SCYL2: variants seen among roughly 807,000 people sequenced by gnomAD.
SCYL2 encodes the protein SCY1 like pseudokinase 2, also known as SCY1-like protein 2.
In SCYL2, 36 loss-of-function variants were observed where a neutral mutation model predicts 100.4. The ratio of observed to expected loss-of-function variants is 0.36; its 90% CI spans 0.27 to 0.47. The LOEUF (loss-of-function observed/expected upper bound fraction) is 0.47, where lower values mean the gene tolerates loss of function less well. Ranked by LOEUF, SCYL2 falls within the 20% of genes least tolerant of loss-of-function variation. The probability of loss-of-function intolerance (pLI) is 1.00; values close to 1 mark genes in which losing one functional copy is unlikely to be tolerated. For synonymous variants in SCYL2, 330 were observed against 359.2 expected (o/e 0.92, Z 0.92); for missense variants, 902 against 1,083.9 (o/e 0.83, Z 2.36).
chr12:100,315,690 C>T lies in SCYL2; in HGVS notation c.1228C>T (p.Leu410Phe), dbSNP rs763082700. 4 of 1,611,650 alleles carry T rather than the reference C, an allele frequency of 2.5e-6. No individual in the cohort carries two copies. The Admixed American group carries it at 5.0e-5, about 20-fold the overall frequency. ...CAAAGAAGAATATGTCAAATTAATT[C>T]TTCCTGAACTTGGCCCTGTGTTTAA... ...CTKEEYVKLILPELGPVFKQQ... is the reference protein window; with the variant it reads ...CTKEEYVKLIFPELGPVFKQQ... Residue 410 changes from leucine to phenylalanine, a missense_variant, in exon 9 of 18, where the codon CTT becomes TTT. Coordinates refer to ENST00000360820, the MANE Select transcript of SCYL2 (RefSeq NM_017988.6).
intron 9 of SCYL2, among the ~76,000 whole-genome samples, chr12:100,316,009 T>G (rs1276922089): frequency 1.3e-5 from 2 of 152,208 alleles, no homozygotes; most frequent in African/African-American, 4.8e-5. Context: ...CTGTTCTTTA[T>G]GTACCATATA....
At chr12:100,314,857 G>T (rs529118962) in intron 8 of SCYL2, among the ~76,000 whole-genome samples, 4 of 152,274 alleles carry the variant, frequency 2.6e-5, no homozygotes, top group Admixed American at 6.5e-5. Flanking sequence ...GATATTAAAG[G>T]TCAGAAGAAG....
intron 10 of SCYL2, among the ~76,000 whole-genome samples, chr12:100,322,138 C>T (rs375877995): frequency 3.8e-4 from 57 of 150,736 alleles, no homozygotes; most frequent in Admixed American, 9.2e-4. Context: ...TTTGGGAGGC[C>T]GAGGCGGGCA....
At position 100,314,342 on chromosome 12, in the gene SCYL2, A is replaced by T. The variant is rs2096345917; in HGVS notation, c.970-147A>T. The T allele has an allele frequency of 5.3e-6, 3 of 568,542 alleles. No homozygotes were observed. The Admixed American group carries it at 1.2e-4, about 22-fold the overall frequency. 35.2% of individuals were successfully genotyped at this position (568,542 alleles called of 1,614,324 possible). ...AAAAATCATTTATTTTCTTATTCAG[A>T]GTTTTATAATTAGAATTTCTAAGGT... On this transcript the variant is annotated intron_variant, in intron 7 of 17. Transcript: ENST00000360820.
intron 10 of SCYL2, among the ~76,000 whole-genome samples, chr12:100,320,473 G>C (rs994689950): frequency 6.6e-6 from 1 of 151,936 alleles, no homozygotes; most frequent in Admixed American, 6.6e-5. Context: ...GCTTGAACCC[G>C]GGAGGCGGAG....
At chr12:100,294,294 C>G (rs1301878273) in intron 3 of SCYL2, among the ~76,000 whole-genome samples, 2 of 135,042 alleles carry the variant, frequency 1.5e-5, no homozygotes, top group African/African-American at 5.6e-5. Context: ...GGCGGCTGGC[C>G]GGGCAGAGGG....
rs939613881 is a variant in SCYL2 at position 100,311,096 on chromosome 12, A to G, written c.533A>G (p.Asn178Ser). The G allele has an allele frequency of 6.2e-7, 1 of 1,605,992 alleles. No individual in the cohort carries two copies. Among genetic ancestry groups the G allele is most frequent in the Non-Finnish European group, 8.5e-7 (1 of 1,176,778 alleles). ...AGCAGTGTGAAAATGGTGCATGGAA[A>G]TATCACTCCTGAAAATATAATTTTG... ...LHSSVKMVHG[N>S]ITPENIILNK... The change falls in exon 5 of 18, where the codon AAT becomes AGT. Residue 178 changes from asparagine to serine, a missense_variant. Coordinates refer to ENST00000360820, the MANE Select transcript of SCYL2 (RefSeq NM_017988.6).
intron 4 of SCYL2, among the ~76,000 whole-genome samples, chr12:100,307,440 C>T (rs972557258): frequency 6.6e-6 from 1 of 152,096 alleles, no homozygotes; most frequent in Non-Finnish European, 1.5e-5. Flanking sequence ...TGGCTAGCCA[C>T]ATGCAGAAAA....
At chr12:100,297,845 A>G (rs951510610) in intron 3 of SCYL2, among the ~76,000 whole-genome samples, 186 bp from the exon 4 acceptor site, 4 of 152,210 alleles carry the variant, frequency 2.6e-5, no homozygotes, top group Non-Finnish European at 5.9e-5. Flanking sequence ...TTTATCTAGT[A>G]TAATTTGTAT....
rs951999228 is a variant in SCYL2 at position 100,321,555 on chromosome 12, A to G, written c.1396-1970A>G. Among the ~76,000 whole-genome samples, 15 of 152,358 alleles carry G rather than the reference A, an allele frequency of 9.8e-5. 1 individual carries two copies. The highest frequency in any genetic ancestry group is 3.4e-3 in the Middle Eastern group (1 of 294). ...CTACTATGGCACCACATTAGTTAAC[A>G]AGAATGTTTTAAATCTTTTTTTCCC... On this transcript the variant is annotated intron_variant, in intron 10 of 17. Coordinates refer to ENST00000360820, the MANE Select transcript of SCYL2 (RefSeq NM_017988.6).
chr12:100,320,921 A>T (rs1284485519), intron 10 of SCYL2, among the ~76,000 whole-genome samples: 1 of 152,036 alleles, frequency 6.6e-6, no homozygotes, highest in Non-Finnish European at 1.5e-5. Flanking sequence ...TAATTTATAT[A>T]TTTTTGAGAC....
intron 7 of SCYL2, among the ~76,000 whole-genome samples, chr12:100,314,105 T>G (rs1409946183): frequency 6.6e-6 from 1 of 152,244 alleles, no homozygotes; most frequent in Non-Finnish European, 1.5e-5. Context: ...GGTCTTGTCC[T>G]GACCTCAGGT....
At chr12:100,334,629 A>G (rs930342033) in intron 14 of SCYL2, among the ~76,000 whole-genome samples, 3 of 152,006 alleles carry the variant, frequency 2.0e-5, no homozygotes, top group Non-Finnish European at 4.4e-5. Flanking sequence ...ATGAACTTCT[A>G]GTGTTTTGAT....
chr12:100,276,911 G>A (rs2096293096), intron 1 of SCYL2, among the ~76,000 whole-genome samples: 1 of 151,816 alleles, frequency 6.6e-6, no homozygotes, highest in Non-Finnish European at 1.5e-5. Context: ...TGTAAGTACT[G>A]CTTTAGATAT....
At chr12:100,308,603 A>G (rs575618892) in intron 4 of SCYL2, among the ~76,000 whole-genome samples, 26 of 151,836 alleles carry the variant, frequency 1.7e-4, no homozygotes, top group Non-Finnish European at 2.5e-4. Context: ...AAAACTGCAC[A>G]TTCTGCACAT....
At chr12:100,287,589 A>G (rs1474625541) in intron 2 of SCYL2, among the ~76,000 whole-genome samples, 1 of 152,238 alleles carries the variant, frequency 6.6e-6, no homozygotes, top group African/African-American at 2.4e-5. Flanking sequence ...TTGAGAAAAA[A>G]TACTTTTTAG....
At chr12:100,304,201 G>A (rs2096331207) in intron 4 of SCYL2, among the ~76,000 whole-genome samples, 1 of 152,142 alleles carries the variant, frequency 6.6e-6, no homozygotes, top group Admixed American at 6.5e-5. Flanking sequence ...GCTCCTTGGG[G>A]GTGGGATCTG....
intron 5 of SCYL2, among the ~76,000 whole-genome samples, chr12:100,311,580 A>G (rs2096342223): frequency 2.0e-5 from 3 of 152,316 alleles, no homozygotes; most frequent in South Asian, 4.1e-4. Flanking sequence ...ACTTTTCCAC[A>G]CACTTTCTCT....
At chr12:100,328,860 A>G (rs528886025) in intron 12 of SCYL2, among the ~76,000 whole-genome samples, 1 of 152,316 alleles carries the variant, frequency 6.6e-6, no homozygotes, top group East Asian at 1.9e-4. Flanking sequence ...TCTGAAATAT[A>G]TATTTAGATG....
Sources: gnomAD v4.1 joint callset for allele counts (sites outside exome capture counted in the v4.1 genomes callset) on GRCh38, gnomAD v4.1.1 for gene constraint, MANE v1.5 for transcripts, NCBI Gene and HGNC (gene_info 2026-07-23, HGNC 2026-07-21) for gene names.